The following EPHA5 variants were observed in gnomAD, a reference collection of about 807,000 sequenced individuals.
EPHA5 encodes the protein EPH receptor A5.
A neutral mutation model predicts 105.0 loss-of-function variants in EPHA5; 60 were observed. The observed-to-expected ratio is 0.57, with a 90% CI of 0.46 to 0.71. EPHA5 has a LOEUF of 0.71. Ranked by LOEUF, EPHA5 falls within the 30% of genes least tolerant of loss-of-function variation. EPHA5 has a pLI of 0.00. For synonymous variants in EPHA5, 513 were observed against 449.1 expected, an observed-to-expected ratio of 1.14 and a Z score of -1.80; for missense variants, 1,218 against 1,274.7, an observed-to-expected ratio of 0.96 and a Z score of 0.68.
chr4:65,388,873 G>A (rs989211715), intron 8 of EPHA5, among the ~76,000 whole-genome samples: 4 of 150,718 alleles, frequency 2.7e-5, no homozygotes, highest in Non-Finnish European at 5.9e-5. Flanking sequence ...GGTGTTTTAG[G>A]CATGAAGTCC....
chr4:65,406,598 T>C (rs1722380612), intron 7 of EPHA5, among the ~76,000 whole-genome samples: 1 of 152,104 alleles, frequency 6.6e-6, no homozygotes, highest in South Asian at 2.1e-4. Context: ...GTATTTTTGT[T>C]TTTTATCCTC....
At chr4:65,377,044 C>G (rs1408098032) in intron 8 of EPHA5, 1 of 1,609,170 alleles carries the variant, frequency 6.2e-7, no homozygotes, top group East Asian at 2.2e-5. Context: ...GAAGCCCTCC[C>G]ACAGCCACAT....
intron 3 of EPHA5, among the ~76,000 whole-genome samples, chr4:65,536,929 G>A (rs1560664775): frequency 6.6e-6 from 1 of 151,754 alleles, no homozygotes; most frequent in Non-Finnish European, 1.5e-5. Context: ...TTGTGTGTCT[G>A]TTAGAATGGT....
Position 65,576,113 on chromosome 4 carries a change from G to GAAAAGA in EPHA5, c.910+25527_910+25528insTCTTTT, listed in dbSNP as rs368323108. Among the ~76,000 whole-genome samples the GAAAAGA allele has an allele frequency of 2.7e-3, 99 of 36,224 alleles. 1 individual carries two copies. Among genetic ancestry groups the GAAAAGA allele is most frequent in the Middle Eastern group, 0.012 (1 of 82 alleles). 23.8% of individuals were successfully genotyped at this position (36,224 alleles called of 152,430 possible). ...GAAAAGAAAAGAAAAGAAAAGAAAA[G>GAAAAGA]AAAAAAGAAAAGAAAAGAAAAGAAA... On this transcript the variant is annotated intron_variant, in intron 3 of 16. Coordinates refer to ENST00000613740, the MANE Select transcript of EPHA5 (RefSeq NM_001281766.3).
intron 15 of EPHA5, among the ~76,000 whole-genome samples, chr4:65,333,058 G>T (rs867893288): frequency 2.0e-4 from 31 of 151,558 alleles, no homozygotes; most frequent in Middle Eastern, 3.4e-3. Context: ...ATGACACTAC[G>T]TTCATATTCT....
intron 8 of EPHA5, among the ~76,000 whole-genome samples, chr4:65,376,103 AT>A (rs1357484590): frequency 6.6e-6 from 1 of 151,906 alleles, no homozygotes; most frequent in African/African-American, 2.4e-5. Context: ...TTCACACATA[AT>A]TTTTTAAGCA....
intron 3 of EPHA5, among the ~76,000 whole-genome samples, chr4:65,510,251 G>C (rs759227310): frequency 6.7e-6 from 1 of 148,950 alleles, no homozygotes; most frequent in African/African-American, 2.5e-5. Flanking sequence ...CTTCATTTTG[G>C]TCAGGCTGGT....
chr4:65,554,679 G>A (rs1204157636), intron 3 of EPHA5, among the ~76,000 whole-genome samples: 2 of 151,626 alleles, frequency 1.3e-5, no homozygotes, highest in African/African-American at 2.4e-5. Flanking sequence ...GCCAATGAAT[G>A]TCTCCATCAT....
chr4:65,443,601 G>T (rs1048787969), intron 5 of EPHA5, among the ~76,000 whole-genome samples: 1 of 152,048 alleles, frequency 6.6e-6, no homozygotes, highest in Admixed American at 6.6e-5. Context: ...CAATGAGGCT[G>T]GTTCTAGCAA....
rs575090982 is a variant in EPHA5 at position 65,630,250 on chromosome 4, C to T, written c.246+13113G>A. Among the ~76,000 whole-genome samples, 16 of 152,148 alleles carry T rather than the reference C, an allele frequency of 1.1e-4. No homozygotes were observed. The South Asian group carries it at 3.3e-3, about 32-fold the overall frequency. ...CGTGAAACTGGTGATCAGCAGCTTC[C>T]CTATGAGATCTCAAGAGTTGGGCGG... On this transcript the variant is annotated intron_variant, in intron 2 of 16. Coordinates refer to ENST00000613740, the MANE Select transcript of EPHA5 (RefSeq NM_001281766.3).
At chr4:65,366,668 T>C (rs1404568623) in intron 9 of EPHA5, among the ~76,000 whole-genome samples, 1 of 151,872 alleles carries the variant, frequency 6.6e-6, no homozygotes, top group Non-Finnish European at 1.5e-5. Context: ...TAAGATACGA[T>C]TAGGAAATGA....
intron 9 of EPHA5, among the ~76,000 whole-genome samples, chr4:65,366,918 G>A (rs531925997): frequency 6.6e-6 from 1 of 151,488 alleles, no homozygotes; most frequent in African/African-American, 2.4e-5. Flanking sequence ...TTTGAACCAA[G>A]ATTGCTGCCA....
intron 11 of EPHA5, among the ~76,000 whole-genome samples, chr4:65,361,837 A>G (rs1717356223): frequency 6.6e-6 from 1 of 151,620 alleles, no homozygotes; most frequent in Non-Finnish European, 1.5e-5. Context: ...TAAAATTATG[A>G]CTAATCCTAA....
At chr4:65,350,886 G>C (rs760348192) in intron 13 of EPHA5, among the ~76,000 whole-genome samples, 4 of 151,856 alleles carry the variant, frequency 2.6e-5, no homozygotes, top group Non-Finnish European at 4.4e-5. Flanking sequence ...TCCCTACAAT[G>C]TAAATCCTTA....
chr4:65,358,026 T>C (rs1422965723), intron 11 of EPHA5, among the ~76,000 whole-genome samples: 2 of 151,370 alleles, frequency 1.3e-5, no homozygotes, highest in African/African-American at 2.4e-5. Context: ...TCTCAGAATA[T>C]GATATCTGAC....
intron 3 of EPHA5, among the ~76,000 whole-genome samples, chr4:65,516,608 G>C (rs1734130098): frequency 6.6e-6 from 1 of 151,814 alleles, no homozygotes; most frequent in South Asian, 2.1e-4. Flanking sequence ...GTTTCCTACT[G>C]GTTCTGTTTT....
intron 8 of EPHA5, among the ~76,000 whole-genome samples, chr4:65,395,484 T>C (rs751502741): frequency 1.3e-5 from 2 of 152,210 alleles, no homozygotes; most frequent in African/African-American, 4.8e-5. Flanking sequence ...TTAATATTAT[T>C]TTCTTGAAAC....
intron 2 of EPHA5, among the ~76,000 whole-genome samples, chr4:65,629,451 C>A (rs2149489106): frequency 6.6e-6 from 1 of 152,226 alleles, no homozygotes; most frequent in African/African-American, 2.4e-5. Context: ...GACATACAAT[C>A]AATAGGTGCA....
intron 14 of EPHA5, among the ~76,000 whole-genome samples, chr4:65,341,205 C>T (rs1054354008): frequency 6.6e-6 from 1 of 152,076 alleles, no homozygotes; most frequent in African/African-American, 2.4e-5. Flanking sequence ...TATCTAAATT[C>T]ATCCATATTA....
Sources: gnomAD v4.1 joint callset for allele counts (sites outside exome capture counted in the v4.1 genomes callset) on GRCh38, gnomAD v4.1.1 for gene constraint, MANE v1.5 for transcripts, NCBI Gene and HGNC (gene_info 2026-07-23, HGNC 2026-07-21) for gene names.